Variants in MMP10 observed in about 807,000 individuals in gnomAD.
MMP10 encodes the protein stromelysin-2.
A neutral mutation model predicts 49.1 loss-of-function variants in MMP10; 50 were observed. That is an observed-to-expected ratio of 1.02 (90% confidence interval 0.81 to 1.29). The LOEUF (loss-of-function observed/expected upper bound fraction) is 1.29. Among genes scored for constraint, MMP10 ranks in the 50% most tolerant of loss-of-function variants. The pLI, the probability that MMP10 is intolerant of heterozygous loss-of-function variation, is 0.00. For missense variants in MMP10, 613 were observed against 563.8 expected (o/e 1.09, Z -0.88); for synonymous variants, 229 against 201.6 (o/e 1.14, Z -1.15).
intron 9 of MMP10, among the ~76,000 whole-genome samples, chr11:102,771,596 A>G (rs1861976360): frequency 6.6e-6 from 1 of 152,216 alleles, no homozygotes; most frequent in East Asian, 1.9e-4. Flanking sequence ...AGACTGCAAC[A>G]GAAGCCCAGA....
Position 102,772,047 on chromosome 11 carries a change from ACTC to A in MMP10, c.1292_1294del (p.Gly431del), listed in dbSNP as rs1861981303. 6.2e-7 allele frequency: 1 copy of A among 1,613,570 alleles called. No individual in the cohort carries two copies. Among genetic ancestry groups the A allele is most frequent in the East Asian group, 2.2e-5 (1 of 44,860 alleles). On this transcript the variant is annotated inframe_deletion, in exon 9 of 10. Coordinates refer to ENST00000279441, the MANE Select transcript of MMP10 (RefSeq NM_002425.3). This position sits in a 1 kb window ranked among gnomAD's most constrained non-coding sequence, Gnocchi z 4.4. Reference sequence around the variant, plus strand: ...TAATACAGCATCAACCTTAGGCTCAACTCCTGGAAAGTCATCAGCTATTAGTCT... The same window carrying A: ...TAATACAGCATCAACCTTAGGCTCAACTGGAAAGTCATCAGCTATTAGTCT...
chr11:102,778,553 A>G, intron 4 of MMP10, 71 bp downstream of exon 4: 2 of 1,580,190 alleles, frequency 1.3e-6, no homozygotes, highest in Admixed American at 1.9e-5. Flanking sequence ...TGCTCGTTCT[A>G]GATAATCCAA....
intron 6 of MMP10, 126 bp downstream of exon 6, chr11:102,776,154 A>G: frequency 3.9e-6 from 3 of 774,262 alleles, no homozygotes; most frequent in Non-Finnish European, 6.0e-6. Flanking sequence ...GTTTATCTAT[A>G]TAACAAACCT....
chr11:102,778,172 C>G (rs903223285), intron 4 of MMP10, among the ~76,000 whole-genome samples: 7 of 152,076 alleles, frequency 4.6e-5, no homozygotes, highest in African/African-American at 1.2e-4. Context: ...GATGACCTAA[C>G]AGTTTTTTTT....
intron 4 of MMP10, among the ~76,000 whole-genome samples, chr11:102,777,586 C>T (rs1857760363): frequency 2.0e-5 from 3 of 152,120 alleles, no homozygotes; most frequent in Admixed American, 1.3e-4. Flanking sequence ...TGTCAAAAAT[C>T]TTCCCAGTAA....
chr11:102,773,830 C>A (rs898190716), intron 7 of MMP10, among the ~76,000 whole-genome samples: 1 of 152,240 alleles, frequency 6.6e-6, no homozygotes, highest in Non-Finnish European at 1.5e-5. Flanking sequence ...TCAGTCCCAG[C>A]ACTTGTCATA....
chr11:102,779,401 C>A (rs368808387), intron 2 of MMP10, 40 bp from the exon 3 acceptor site: 55 of 1,609,060 alleles, frequency 3.4e-5, no homozygotes, highest in Non-Finnish European at 4.7e-5. Context: ...TTTTCTCCTG[C>A]CTTTATGAAA....
In MMP10 at chr11:102,779,530, C is replaced by T; in HGVS notation, c.321G>A (p.Lys107=). ...TGTATGTAAGGTGGGTTTTCCTCCA[C>T]TTCGGCATGCCAGGAAAGGAGCTGA... ...GHFSSFPGMP[K]WRKTHLTYRI... is the part of the protein sequence containing the mutation. Residue 107 remains lysine, a synonymous_variant, in exon 2 of 10, where the codon AAG becomes AAA. Coordinates refer to ENST00000279441, the MANE Select transcript of MMP10 (RefSeq NM_002425.3). 3.1e-6 allele frequency: 5 copies of T among 1,614,086 alleles called. No homozygotes were observed. The highest frequency in any genetic ancestry group is 4.2e-6 in the Non-Finnish European group (5 of 1,180,012).
chr11:102,771,027 A>T, intron 9 of MMP10, 134 bp from the exon 10 acceptor site: 1 of 580,984 alleles, frequency 1.7e-6, no homozygotes, highest in Non-Finnish European at 3.0e-6. Flanking sequence ...GCACTGAGCT[A>T]AGTGCTTTAC....
intron 9 of MMP10, 124 bp from the exon 10 acceptor site, chr11:102,771,017 G>A: frequency 1.6e-6 from 1 of 626,628 alleles, no homozygotes. Context: ...TCTATGCCAA[G>A]CACTGAGCTA....
chr11:102,778,566 A>G, intron 4 of MMP10, 58 bp downstream of exon 4: 1 of 1,587,300 alleles, frequency 6.3e-7, no homozygotes. Context: ...TAATCCAATT[A>G]TTTTTGGGTA....
intron 9 of MMP10, among the ~76,000 whole-genome samples, 162 bp from the exon 10 acceptor site, chr11:102,771,055 C>A (rs1861970766): frequency 6.6e-6 from 1 of 152,130 alleles, no homozygotes; most frequent in Non-Finnish European, 1.5e-5. Context: ...ATCTCAATTA[C>A]CCTTACAAAA....
At position 102,778,623 on chromosome 11, in the gene MMP10, C is replaced by T; in HGVS notation, c.622+1G>A. ...ATGTTCCCGAGAGGTTTACGACCCA[C>T]CTGATGCATCTTCTGTCCATTTTTC... On this transcript the variant is annotated splice_donor_variant, in intron 4 of 9. Coordinates refer to ENST00000279441, the MANE Select transcript of MMP10 (RefSeq NM_002425.3). LOFTEE classifies it high-confidence loss of function. 6.2e-7 allele frequency: 1 copy of T among 1,613,860 alleles called. No individual in the cohort carries two copies.
At position 102,776,780 on chromosome 11, in the gene MMP10, T is replaced by C. The variant is rs372773745; in HGVS notation, c.623-4A>G. 1.2e-6 allele frequency: 2 copies of C among 1,613,666 alleles called. No individual in the cohort carries two copies. The highest frequency in any genetic ancestry group is 2.7e-5 in the African/African-American group (2 of 74,886). On this transcript the variant is annotated splice_polypyrimidine_tract_variant and splice_region_variant and intron_variant, in intron 4 of 9. Coordinates refer to ENST00000279441, the MANE Select transcript of MMP10 (RefSeq NM_002425.3). Reference sequence around the variant, plus strand: ...GCAACGAGGAATAAATTGGTGCCTGTATGAAAATCATAAATGTTCAGAATT... The same window carrying C: ...GCAACGAGGAATAAATTGGTGCCTGCATGAAAATCATAAATGTTCAGAATT...
rs1456593037 is a variant in MMP10 at position 102,772,573 on chromosome 11, C to T, written c.1226+274G>A. Among the ~76,000 whole-genome samples the T allele has an allele frequency of 6.6e-6, 1 of 152,200 alleles. No homozygotes were observed. The highest frequency in any genetic ancestry group is 1.5e-5 in the Non-Finnish European group (1 of 68,040). On this transcript the variant is annotated intron_variant, in intron 8 of 9. Transcript: ENST00000279441. The surrounding 1 kb of genome is among the most constrained non-coding windows in gnomAD (Gnocchi z 4.4). ...ACACCTGGGCTTCCTATGGCAGCCA[C>T]ATGGTGACTGGAAATGGAATAAGAG...
chr11:102,779,468 T>C, intron 2 of MMP10, 36 bp downstream of exon 2: 1 of 1,611,908 alleles, frequency 6.2e-7, no homozygotes, highest in Non-Finnish European at 8.5e-7. Flanking sequence ...ACTTATAAGG[T>C]TTCAATATTA....
Position 102,779,246 on chromosome 11 carries a change from C to G in MMP10, c.463G>C (p.Glu155Gln). Residue 155 changes from glutamate to glutamine, a missense_variant, in exon 3 of 10, where the codon GAG becomes CAG. Coordinates refer to ENST00000279441, the MANE Select transcript of MMP10 (RefSeq NM_002425.3). ...GCAAAAGAGATCATTATATCAGCCT[C>G]TCCTTCATACAGCCTGGAGAATGTG... is the stretch of plus-strand genomic sequence containing the variant. The part of the protein sequence containing the change: ...PLTFSRLYEG[E>Q]ADIMISFAVK... 1.2e-6 allele frequency: 2 copies of G among 1,613,866 alleles called. No individual in the cohort carries two copies. The highest frequency in any genetic ancestry group is 2.2e-5 in the East Asian group (1 of 44,882).
rs565824886 is a variant in MMP10 at position 102,775,583 on chromosome 11, A to G, written c.933-262T>C. On this transcript the variant is annotated intron_variant, in intron 6 of 9. Transcript: ENST00000279441. ...ATATTTTAAAAAATATTATGTGTAT[A>G]TTGATGCTTGTATATGAGTAGAACA... 5.9e-5 allele frequency among the ~76,000 whole-genome samples: 9 copies of G among 152,262 alleles called. No individual in the cohort carries two copies. The East Asian group carries it at 1.4e-3, about 23-fold the overall frequency.
chr11:102,775,344 C>G (rs201491210), intron 6 of MMP10, 23 bp from the exon 7 acceptor site: 11 of 1,561,642 alleles, frequency 7.0e-6, no homozygotes, highest in South Asian at 1.2e-5. Flanking sequence ...AAATTACTTG[C>G]AATTGTCTTT....
Sources: allele counts gnomAD v4.1 joint callset (sites outside exome capture counted in the v4.1 genomes callset), GRCh38; gene constraint gnomAD v4.1.1; non-coding constraint Gnocchi (gnomAD v3.1); transcripts MANE v1.5; gene names NCBI Gene and HGNC (gene_info 2026-07-23, HGNC 2026-07-21).